Variants in TSHZ3 observed in about 807,000 individuals in gnomAD.
The protein encoded by TSHZ3 is teashirt homolog 3.
Under a neutral mutation model 64.5 loss-of-function variants are expected in TSHZ3, and 10 were observed. That is an observed-to-expected ratio of 0.16 (90% CI 0.10 to 0.26). The LOEUF (loss-of-function observed/expected upper bound fraction) is 0.26. Ranked by LOEUF, TSHZ3 falls within the 10% of genes least tolerant of loss-of-function variation. The pLI is 1.00. For missense variants in TSHZ3, 1,242 were observed against 1,421.7 expected (o/e 0.87, Z 2.03); for synonymous variants, 608 against 593.1 (o/e 1.03, Z -0.36).
chr19:31,239,438 A>G (rs745761980), intron 3 of TSHZ3, among the ~76,000 whole-genome samples: 15 of 152,108 alleles, frequency 9.9e-5, no homozygotes, highest in Non-Finnish European at 2.2e-4. Context: ...GATACTATTC[A>G]CTATTTCTTT....
chr19:31,269,609 T>C (rs971187418), intron 1 of TSHZ3, among the ~76,000 whole-genome samples: 3 of 152,162 alleles, frequency 2.0e-5, no homozygotes, highest in Admixed American at 1.3e-4. Context: ...TTTCAGTTTC[T>C]CATAATTTCA....
rs182945519 is a variant in TSHZ3 at position 31,275,531 on chromosome 19, A to T, written c.*1016T>A. The stretch of plus-strand genomic sequence containing the variant: ...TCTTTGATTTCTAATAAATACCTTT[A>T]AAAATCATGTGCAAAATAGTTCTGA... On this transcript the variant is annotated 3_prime_UTR_variant, in exon 2 of 2. Transcript: ENST00000240587. 5 of 152,490 alleles carry T rather than the reference A, an allele frequency of 3.3e-5. No homozygotes were observed. In the East Asian group the frequency reaches 5.8e-4, roughly 18 times the overall value. The allele number at this position is 152,490 out of a possible 1,614,324, so 9.4% of individuals were successfully genotyped here.
In TSHZ3 at chr19:31,277,517, T is replaced by C; in HGVS notation, c.2276A>G (p.Glu759Gly). 1 of 1,604,596 alleles carries C rather than the reference T, an allele frequency of 6.2e-7. No individual in the cohort carries two copies. Among genetic ancestry groups the C allele is most frequent in the Non-Finnish European group, 8.5e-7 (1 of 1,174,062 alleles). ...CGGCGGGGTGGCCACAGCAGCCTTC[T>C]CCGCCAGGCTGTTGCTCATCTTGAA... ...MLFKMSNSLA[E>G]KAAVATPPPL... is the part of the protein sequence containing the mutation. The change falls in exon 2 of 2, where the codon GAG becomes GGG. Residue 759 changes from glutamate (E) to glycine (G), a missense_variant. Glu to Gly is a moderately conservative substitution (Grantham distance 98). Coordinates refer to ENST00000240587, the MANE Select transcript of TSHZ3 (RefSeq NM_020856.4). This position sits in a 1 kb window ranked among gnomAD's most constrained non-coding sequence, Gnocchi z 4.5.
At chr19:31,329,513 C>T (rs994231069) in intron 1 of TSHZ3, among the ~76,000 whole-genome samples, 31 of 152,320 alleles carry the variant, frequency 2.0e-4, no homozygotes, top group Non-Finnish European at 3.5e-4. Context: ...TGGTCATCAT[C>T]TTACCCCTCA....
At chr19:31,186,823 A>G (rs1328595072) in intron 5 of TSHZ3, among the ~76,000 whole-genome samples, 1 of 152,074 alleles carries the variant, frequency 6.6e-6, no homozygotes, top group East Asian at 1.9e-4. Flanking sequence ...CACTTTTTAT[A>G]TGCTTTTTAT....
chr19:31,179,406 A>C (rs1378850076), intron 5 of TSHZ3, among the ~76,000 whole-genome samples: 3 of 152,244 alleles, frequency 2.0e-5, no homozygotes, highest in African/African-American at 7.2e-5. Context: ...TAGTGCTCCC[A>C]ATTAGCCATT....
intron 4 of TSHZ3, among the ~76,000 whole-genome samples, chr19:31,214,635 G>A (rs1052627029): frequency 7.2e-5 from 11 of 152,210 alleles, no homozygotes; most frequent in Admixed American, 4.6e-4. Context: ...CAGGCCGGGC[G>A]TGGTGGCCCA....
intron 3 of TSHZ3, among the ~76,000 whole-genome samples, chr19:31,238,503 A>T (rs1479717736): frequency 6.6e-6 from 1 of 152,034 alleles, no homozygotes; most frequent in Non-Finnish European, 1.5e-5. Context: ...TGATCTGCCT[A>T]CCTTGGCCTC....
rs1974324627 is a variant in TSHZ3 at position 31,157,797 on chromosome 19, C to T, written n.810-1380G>A. Among the ~76,000 whole-genome samples, 4 of 152,272 alleles carry T rather than the reference C, an allele frequency of 2.6e-5. No homozygotes were observed. In the South Asian group the frequency reaches 8.3e-4, roughly 32 times the overall value. The stretch of plus-strand genomic sequence containing the variant: ...GTCTATGCAAAGATAATGACTTATT[C>T]CTTCTGCTGCATAGACTTGAAATAA... On this transcript the variant is annotated intron_variant and non_coding_transcript_variant, in intron 5 of 6. Coordinates refer to the TSHZ3 transcript ENST00000651361.
intron 5 of TSHZ3, among the ~76,000 whole-genome samples, chr19:31,185,717 ACAGATGAGTTTTGG>A (rs1974796665): frequency 6.6e-6 from 1 of 152,178 alleles, no homozygotes; most frequent in East Asian, 1.9e-4. Context: ...AAGTGTAGAG[ACAGATGAGTTTTGG>A]CACATGCACA....
chr19:31,240,393 T>C (rs1212918342), intron 3 of TSHZ3, among the ~76,000 whole-genome samples: 1 of 152,086 alleles, frequency 6.6e-6, no homozygotes, highest in Non-Finnish European at 1.5e-5. Context: ...TTGAAAAAAA[T>C]CAAAAATTCT....
At chr19:31,301,877 T>C (rs2145143772) in intron 1 of TSHZ3, among the ~76,000 whole-genome samples, 1 of 152,062 alleles carries the variant, frequency 6.6e-6, no homozygotes, top group Non-Finnish European at 1.5e-5. Context: ...CCCCATGAGG[T>C]CCACAGGTGG....
At position 31,260,048 on chromosome 19, in the gene TSHZ3, T is replaced by G. The variant is rs553048110; in HGVS notation, n.64-17173A>C. Among the ~76,000 whole-genome samples the G allele has an allele frequency of 1.7e-4, 26 of 152,312 alleles. 1 individual carries two copies. The South Asian group carries it at 5.2e-3, about 30-fold the overall frequency. ...TTTCATACTTCCTTCTGCTCTGCCC[T>G]GTGCTGATTGTCCAGGTTAATTGTT... On this transcript the variant is annotated intron_variant and non_coding_transcript_variant, in intron 1 of 6. Coordinates refer to the TSHZ3 transcript ENST00000651361.
At chr19:31,287,632 G>T (rs1486874550) in intron 1 of TSHZ3, among the ~76,000 whole-genome samples, 2 of 152,126 alleles carry the variant, frequency 1.3e-5, no homozygotes, top group African/African-American at 4.8e-5. Flanking sequence ...CACTAGGGCT[G>T]GCGTAGGGGA....
intron 5 of TSHZ3, among the ~76,000 whole-genome samples, chr19:31,201,318 T>C (rs995693543): frequency 7.9e-5 from 12 of 152,158 alleles, no homozygotes; most frequent in African/African-American, 2.9e-4. Flanking sequence ...ATCAATCTCT[T>C]CGTGTTGATT....
At chr19:31,312,971 A>G (rs758448626) in intron 1 of TSHZ3, among the ~76,000 whole-genome samples, 1 of 152,060 alleles carries the variant, frequency 6.6e-6, no homozygotes, top group Non-Finnish European at 1.5e-5. Context: ...CTGGGTCTTC[A>G]TTTATAGGAG....
chr19:31,154,361 T>C (rs1410797443), intron 6 of TSHZ3, among the ~76,000 whole-genome samples: 1 of 152,206 alleles, frequency 6.6e-6, no homozygotes, highest in East Asian at 1.9e-4. Flanking sequence ...GATGACCCTG[T>C]ACCCAAGACA....
At chr19:31,289,311 G>A (rs984789962) in intron 1 of TSHZ3, among the ~76,000 whole-genome samples, 3 of 152,182 alleles carry the variant, frequency 2.0e-5, no homozygotes, top group Non-Finnish European at 4.4e-5. Flanking sequence ...CAAGCACCAA[G>A]CCCTGCTGGG....
chr19:31,165,339 G>A (rs926137711), intron 5 of TSHZ3, among the ~76,000 whole-genome samples: 3 of 152,218 alleles, frequency 2.0e-5, no homozygotes, highest in Non-Finnish European at 2.9e-5. Context: ...GCACCTTGGT[G>A]TGTAGGATTT....
Sources: allele counts gnomAD v4.1 joint callset (sites outside exome capture counted in the v4.1 genomes callset), GRCh38; gene constraint gnomAD v4.1.1; non-coding constraint Gnocchi (gnomAD v3.1); transcripts MANE v1.5; gene names NCBI Gene and HGNC (gene_info 2026-07-23, HGNC 2026-07-21).